Variants in DLG2 observed in about 807,000 individuals in gnomAD.
DLG2 encodes disks large homolog 2.
DLG2 carries 45 observed loss-of-function variants against 132.5 expected under a neutral mutation model. That is an observed-to-expected ratio of 0.34 (90% CI 0.27 to 0.44). The LOEUF (loss-of-function observed/expected upper bound fraction) is 0.44, where lower values mean the gene tolerates loss of function less well. Among genes scored for constraint, DLG2 ranks in the 20% least tolerant of loss-of-function variants. The pLI is 1.00. For missense variants in DLG2, 1,045 were observed against 1,196.9 expected (o/e 0.87, Z 1.87); for synonymous variants, 424 against 419.6 (o/e 1.01, Z -0.13).
intron 19 of DLG2, among the ~76,000 whole-genome samples, chr11:83,567,780 G>C (rs2096732993): frequency 6.6e-6 from 1 of 152,100 alleles, no homozygotes; most frequent in East Asian, 1.9e-4. Flanking sequence ...ACAAGGTATA[G>C]AGACCTGAGA....
At chr11:84,009,210 A>AT (rs1439024850) in intron 11 of DLG2, among the ~76,000 whole-genome samples, 1 of 151,954 alleles carries the variant, frequency 6.6e-6, no homozygotes, top group Non-Finnish European at 1.5e-5. Flanking sequence ...TTAAGTTGGA[A>AT]TATGCCTAGA....
At position 85,473,511 on chromosome 11, in the gene DLG2, C is replaced by T. The variant is rs994923378; in HGVS notation, c.40+125146G>A. On this transcript the variant is annotated intron_variant, in intron 3 of 27. Transcript: ENST00000376104. ...AAATTTAATGAAGAAAAACATTGAA[C>T]ATGAAGAGACCAGAGTGAAGAAATA... 2.0e-5 allele frequency among the ~76,000 whole-genome samples: 3 copies of T among 152,002 alleles called. No individual in the cohort carries two copies. In the East Asian group the frequency reaches 5.8e-4, roughly 29 times the overall value.
At chr11:85,563,993 G>C (rs1417074876) in intron 3 of DLG2, among the ~76,000 whole-genome samples, 2 of 152,004 alleles carry the variant, frequency 1.3e-5, no homozygotes, top group Non-Finnish European at 2.9e-5. Context: ...ATCTAGATTT[G>C]TCTAGTAGTA....
At chr11:84,333,159 C>A (rs555696984) in intron 7 of DLG2, among the ~76,000 whole-genome samples, 3 of 152,350 alleles carry the variant, frequency 2.0e-5, no homozygotes, top group African/African-American at 7.2e-5. Flanking sequence ...ATTGAAAGGA[C>A]TGATAGTCCT....
chr11:83,509,627 G>T (rs561053518), intron 21 of DLG2, among the ~76,000 whole-genome samples: 3 of 152,012 alleles, frequency 2.0e-5, no homozygotes, highest in Admixed American at 1.3e-4. Flanking sequence ...AACCTTGCTC[G>T]CATTTCAAGA....
chr11:84,414,929 CTGTT>C (rs2098923863), intron 7 of DLG2, among the ~76,000 whole-genome samples: 1 of 152,112 alleles, frequency 6.6e-6, no homozygotes, highest in South Asian at 2.1e-4. Context: ...ATGGATAAAG[CTGTT>C]TGGGGAACAG....
intron 3 of DLG2, among the ~76,000 whole-genome samples, chr11:85,464,031 G>A (rs369807547): frequency 3.2e-4 from 7 of 22,132 alleles, no homozygotes; most frequent in African/African-American, 1.1e-3. Context: ...CACGCCCCCC[G>A]AGAGAGAGAG....
At position 83,682,905 on chromosome 11, in the gene DLG2, A is replaced by C. The variant is rs2079078975; in HGVS notation, c.1826-49580T>G. 2.6e-5 allele frequency among the ~76,000 whole-genome samples: 4 copies of C among 152,290 alleles called. No individual in the cohort carries two copies. The East Asian group carries it at 7.7e-4, about 29-fold the overall frequency. The stretch of plus-strand genomic sequence containing the variant: ...ATAAGGAACCCCTGGCAAGAAAGAT[A>C]AAGTGACTTGCCCAGGTCACACAAA... On this transcript the variant is annotated intron_variant, in intron 18 of 27. Transcript: ENST00000376104.
At chr11:85,209,363 G>T (rs997278886) in intron 4 of DLG2, among the ~76,000 whole-genome samples, 1 of 150,620 alleles carries the variant, frequency 6.6e-6, no homozygotes, top group Non-Finnish European at 1.5e-5. Flanking sequence ...AGGCATCAAA[G>T]ACCATGGAGC....
chr11:84,134,330 T>C (rs2094525038), intron 9 of DLG2, among the ~76,000 whole-genome samples: 1 of 152,112 alleles, frequency 6.6e-6, no homozygotes, highest in Non-Finnish European at 1.5e-5. Flanking sequence ...TACAGTTTAC[T>C]TCCTTGGACT....
chr11:85,194,558 C>G (rs2080884410), intron 4 of DLG2, among the ~76,000 whole-genome samples: 1 of 151,866 alleles, frequency 6.6e-6, no homozygotes, highest in Admixed American at 6.6e-5. Flanking sequence ...AGTAGAATTT[C>G]ATATAAAGCA....
intron 6 of DLG2, among the ~76,000 whole-genome samples, chr11:84,830,142 A>G (rs1599112546): frequency 6.6e-6 from 1 of 151,484 alleles, no homozygotes; most frequent in East Asian, 2.0e-4. Context: ...TTACTCTTAC[A>G]TTTTTTCCTT....
At chr11:83,482,692 T>TAAC (rs2093219526) in intron 22 of DLG2, among the ~76,000 whole-genome samples, 1 of 152,042 alleles carries the variant, frequency 6.6e-6, no homozygotes, top group Non-Finnish European at 1.5e-5. Context: ...TCAAAGTTAA[T>TAAC]AACAAATAAA....
chr11:84,850,449 C>T (rs945521080), intron 6 of DLG2, among the ~76,000 whole-genome samples: 1 of 152,084 alleles, frequency 6.6e-6, no homozygotes, highest in Admixed American at 6.6e-5. Flanking sequence ...TAACATCACA[C>T]CTAATGCTGA....
intron 6 of DLG2, among the ~76,000 whole-genome samples, chr11:84,755,490 C>T (rs2066741679): frequency 6.6e-6 from 1 of 152,198 alleles, no homozygotes; most frequent in Admixed American, 6.5e-5. Context: ...GTGGCACAAC[C>T]TCGGCTCACT....
chr11:85,127,382 C>A (rs200815141), intron 5 of DLG2, among the ~76,000 whole-genome samples: 7 of 151,420 alleles, frequency 4.6e-5, no homozygotes, highest in African/African-American at 1.7e-4. Context: ...GAAAGCCTCC[C>A]GATATTTATC....
chr11:84,547,024 G>A (rs1335410825), intron 6 of DLG2, among the ~76,000 whole-genome samples: 11 of 152,274 alleles, frequency 7.2e-5, no homozygotes, highest in African/African-American at 2.6e-4. Context: ...ATAACCACAT[G>A]ACCTTGGGCA....
chr11:84,016,888 T>C (rs2095218931), intron 11 of DLG2, among the ~76,000 whole-genome samples: 1 of 152,114 alleles, frequency 6.6e-6, no homozygotes, highest in Non-Finnish European at 1.5e-5. Flanking sequence ...TATTATACTA[T>C]GTTGCCTAAA....
At chr11:85,522,809 C>A (rs1000262851) in intron 3 of DLG2, among the ~76,000 whole-genome samples, 1 of 152,138 alleles carries the variant, frequency 6.6e-6, no homozygotes, top group African/African-American at 2.4e-5. Flanking sequence ...ATGCCTGTAC[C>A]CCCATTGAAT....
Sources: gnomAD v4.1 joint callset for allele counts (sites outside exome capture counted in the v4.1 genomes callset) on GRCh38, gnomAD v4.1.1 for gene constraint, MANE v1.5 for transcripts, NCBI Gene and HGNC (gene_info 2026-07-23, HGNC 2026-07-21) for gene names.